Variants in DRD3 observed in about 807,000 individuals in gnomAD.
DRD3 encodes the protein dopamine receptor D3.
DRD3 carries 19 observed loss-of-function variants against 36.3 expected under a neutral mutation model. The ratio of observed to expected loss-of-function variants is 0.52; its 90% confidence interval spans 0.36 to 0.77. DRD3 has a LOEUF of 0.77. Among genes scored for constraint, DRD3 ranks in the 30% least tolerant of loss-of-function variants. The pLI is 0.00. For synonymous variants in DRD3, 195 were observed against 203.7 expected, an observed-to-expected ratio of 0.96 and a Z score of 0.36; for missense variants, 465 against 505.3, an observed-to-expected ratio of 0.92 and a Z score of 0.77.
intron 1 of DRD3, among the ~76,000 whole-genome samples, chr3:114,177,477 A>G (rs551077929): frequency 6.6e-6 from 1 of 152,294 alleles, no homozygotes; most frequent in South Asian, 2.1e-4. Context: ...GAGACTGAGC[A>G]TCCTACCATT....
chr3:114,160,838 A>C (rs2077725804), intron 2 of DRD3, among the ~76,000 whole-genome samples: 1 of 149,884 alleles, frequency 6.7e-6, no homozygotes. Flanking sequence ...AAAGGGCTGG[A>C]TTCTCTCCAC....
At chr3:114,154,003 T>C (rs2077642227) in intron 3 of DRD3, among the ~76,000 whole-genome samples, 5 of 152,222 alleles carry the variant, frequency 3.3e-5, no homozygotes, top group Admixed American at 3.3e-4. Flanking sequence ...AGCCAGGGCA[T>C]TGAAGACATA....
intron 2 of DRD3, among the ~76,000 whole-genome samples, chr3:114,163,793 G>A (rs1248545272): frequency 6.6e-6 from 1 of 152,102 alleles, no homozygotes; most frequent in Non-Finnish European, 1.5e-5. Context: ...TGTGTGAATG[G>A]GTATGGGTGA....
At chr3:114,187,329 G>C (rs1421405217) in intron 1 of DRD3, among the ~76,000 whole-genome samples, 1 of 152,178 alleles carries the variant, frequency 6.6e-6, no homozygotes, top group African/African-American at 2.4e-5. Context: ...AGAGCACAAA[G>C]GAGCAGCTTT....
chr3:114,161,110 C>T (rs965730817), intron 2 of DRD3, among the ~76,000 whole-genome samples: 1 of 152,054 alleles, frequency 6.6e-6, no homozygotes, highest in African/African-American at 2.4e-5. Flanking sequence ...CAGCTTCTTT[C>T]CTGGGGGGGT....
intron 3 of DRD3, among the ~76,000 whole-genome samples, chr3:114,153,179 T>A (rs902911181): frequency 6.6e-6 from 1 of 152,150 alleles, no homozygotes; most frequent in East Asian, 1.9e-4. Context: ...TTTTCTAAGA[T>A]CCAATTTTCT....
intron 1 of DRD3, among the ~76,000 whole-genome samples, chr3:114,173,937 A>C (rs1374387975): frequency 6.6e-6 from 1 of 152,170 alleles, no homozygotes; most frequent in Non-Finnish European, 1.5e-5. Flanking sequence ...CGGCCTAATC[A>C]TGGCTGTCAT....
rs2077391753 is a variant in DRD3 at position 114,127,591 on chromosome 3, G to A, written c.*1125C>T. ...TTTAGTATAGTAAATACATAAACCA[G>A]TAACATAGTCATTTATTATCAATAT... is the stretch of plus-strand genomic sequence containing the variant. On this transcript the variant is annotated 3_prime_UTR_variant, in exon 7 of 7. Transcript: ENST00000383673. Among the ~76,000 whole-genome samples, 1 of 152,206 alleles carries A rather than the reference G, an allele frequency of 6.6e-6. No homozygotes were observed. Among genetic ancestry groups the A allele is most frequent in the African/African-American group, 2.4e-5 (1 of 41,444 alleles).
intron 3 of DRD3, among the ~76,000 whole-genome samples, chr3:114,151,328 G>A (rs1156394882): frequency 1.3e-5 from 2 of 152,116 alleles, no homozygotes; most frequent in African/African-American, 4.8e-5. Context: ...CTTTCTCCAG[G>A]CCTTCCACTT....
chr3:114,150,963 T>C (rs1349480842), intron 3 of DRD3, among the ~76,000 whole-genome samples: 3 of 152,218 alleles, frequency 2.0e-5, no homozygotes, highest in African/African-American at 4.8e-5. Flanking sequence ...CTTGACACCA[T>C]GCTGTATGAC....
At chr3:114,153,105 G>A (rs948237094) in intron 3 of DRD3, among the ~76,000 whole-genome samples, 3 of 152,236 alleles carry the variant, frequency 2.0e-5, no homozygotes, top group African/African-American at 7.2e-5. Context: ...ATGAGAAACG[G>A]ACTGATCAGC....
intron 5 of DRD3, 31 bp downstream of exon 5, chr3:114,139,469 G>T (rs1302621646): frequency 1.9e-6 from 3 of 1,594,638 alleles, no homozygotes; most frequent in Non-Finnish European, 1.7e-6. Context: ...ATTGGGTGTT[G>T]TCTTCCCTCT....
chr3:114,152,610 G>A (rs1259937668), intron 3 of DRD3, among the ~76,000 whole-genome samples: 1 of 152,210 alleles, frequency 6.6e-6, no homozygotes, highest in East Asian at 1.9e-4. Context: ...CCATCGGAGG[G>A]CACTATAATG....
At chr3:114,132,383 A>G (rs1378043023) in intron 5 of DRD3, among the ~76,000 whole-genome samples, 1 of 152,102 alleles carries the variant, frequency 6.6e-6, no homozygotes, top group Non-Finnish European at 1.5e-5. Flanking sequence ...AGGGAGGGGA[A>G]CATCACACAC....
chr3:114,186,808 T>G (rs1190556496), intron 1 of DRD3, among the ~76,000 whole-genome samples: 2 of 152,260 alleles, frequency 1.3e-5, no homozygotes, highest in Non-Finnish European at 2.9e-5. Context: ...CCAGTGCAAT[T>G]GTGTCTAGCT....
At chr3:114,188,302 C>T (rs115313126) in intron 1 of DRD3, among the ~76,000 whole-genome samples, 3,025 of 150,810 alleles carry the variant, frequency 0.02, 103 homozygotes, top group African/African-American at 0.068. Context: ...CAACCTCCGC[C>T]TCAAGTTCAA....
At position 114,162,730 on chromosome 3, in the gene DRD3, T is replaced by C. The variant is rs139813787; in HGVS notation, c.271-2863A>G. On this transcript the variant is annotated intron_variant, in intron 2 of 6. Coordinates refer to ENST00000383673, the MANE Select transcript of DRD3 (RefSeq NM_000796.6). ...TACAGGGAGACAGAGCATTGGAATGTAGGTTGTTACACACCCTGCTATAGG... is the reference window on the plus strand; with the variant it reads ...TACAGGGAGACAGAGCATTGGAATGCAGGTTGTTACACACCCTGCTATAGG... Among the ~76,000 whole-genome samples the C allele has an allele frequency of 7.5e-4, 114 of 152,306 alleles. 2 individuals carry two copies. In the East Asian group the frequency reaches 0.018, roughly 24 times the overall value.
intron 1 of DRD3, among the ~76,000 whole-genome samples, chr3:114,190,427 T>C (rs2077999120): frequency 4.1e-4 from 3 of 7,342 alleles, no homozygotes; most frequent in African/African-American, 8.6e-4. Flanking sequence ...TATATATATA[T>C]ATATATATAT....
intron 3 of DRD3, among the ~76,000 whole-genome samples, chr3:114,151,373 T>A (rs989723571): frequency 4.4e-4 from 67 of 152,154 alleles, no homozygotes; most frequent in African/African-American, 1.6e-3. Flanking sequence ...AGCCTGACCC[T>A]TCTGTGTATT....
Sources: gnomAD v4.1 joint callset for allele counts (sites outside exome capture counted in the v4.1 genomes callset) on GRCh38, gnomAD v4.1.1 for gene constraint, MANE v1.5 for transcripts, NCBI Gene and HGNC (gene_info 2026-07-23, HGNC 2026-07-21) for gene names.